The following TRERF1 variants were observed in gnomAD, a reference collection of about 807,000 sequenced individuals.
The protein encoded by TRERF1 is transcriptional-regulating factor 1.
TRERF1 carries 27 observed loss-of-function variants against 122.9 expected under a neutral mutation model. That is an observed-to-expected ratio of 0.22 (90% CI 0.16 to 0.30). TRERF1 has a LOEUF of 0.30. TRERF1 is among the 10% of genes least tolerant of loss of function. The pLI is 1.00. For missense variants in TRERF1, 1,248 were observed against 1,560.3 expected, an observed-to-expected ratio of 0.80 and a Z score of 3.37; for synonymous variants, 636 against 641.7, an observed-to-expected ratio of 0.99 and a Z score of 0.13.
At chr6:42,361,126 TGAACAGGG>T (rs1419066474) in intron 3 of TRERF1, among the ~76,000 whole-genome samples, 2 of 152,192 alleles carry the variant, frequency 1.3e-5, no homozygotes, top group Admixed American at 1.3e-4. Context: ...GAAGCCCTCA[TGAACAGGG>T]TTAGTGCCCT....
chr6:42,226,321 AT>A (rs1317799970), exon 18 of TRERF1: 1 of 152,210 alleles, frequency 6.6e-6, no homozygotes, highest in Admixed American at 6.5e-5. Flanking sequence ...TGCTCCTTTG[AT>A]AGATAAGCTT....
At chr6:42,326,013 G>C (rs992928595) in intron 3 of TRERF1, among the ~76,000 whole-genome samples, 3 of 152,128 alleles carry the variant, frequency 2.0e-5, no homozygotes, top group Non-Finnish European at 4.4e-5. Context: ...CAGACACAGG[G>C]GACTACAAAA....
At chr6:42,378,765 A>T (rs1358717617) in intron 2 of TRERF1, among the ~76,000 whole-genome samples, 1 of 152,154 alleles carries the variant, frequency 6.6e-6, no homozygotes, top group Non-Finnish European at 1.5e-5. Flanking sequence ...CAGGACCTAA[A>T]CCTGGGAGCT....
rs1028851714 is a variant in TRERF1 at position 42,268,614 on chromosome 6, T to C, written c.977A>G (p.Tyr326Cys). Residue 326 changes from tyrosine to cysteine, a missense_variant, in exon 5 of 18, where the codon TAT (tyrosine) becomes TGT (cysteine). Coordinates refer to ENST00000372922, the Ensembl canonical transcript of TRERF1. This position sits in a 1 kb window ranked among gnomAD's most constrained non-coding sequence, Gnocchi z 4.4. ...CTGCATCATGGGTTGGGGCTGATAA[T>C]ACTGAGGTATCTGCATTGAACCCTG... The C allele has an allele frequency of 1.7e-5, 28 of 1,613,920 alleles. No individual in the cohort carries two copies. The highest frequency in any genetic ancestry group is 2.4e-5 in the Non-Finnish European group (28 of 1,179,898).
At chr6:42,270,859 A>G (rs55800531) in intron 4 of TRERF1, among the ~76,000 whole-genome samples, 4,024 of 137,778 alleles carry the variant, frequency 0.029, 171 homozygotes, top group African/African-American at 0.1. Context: ...TGCAACCTCC[A>G]CCTCCTAGGT....
At chr6:42,306,606 C>A (rs1787307129) in intron 3 of TRERF1, among the ~76,000 whole-genome samples, 1 of 152,222 alleles carries the variant, frequency 6.6e-6, no homozygotes, top group African/African-American at 2.4e-5. Context: ...CAGCTCCAAC[C>A]AGCTTGTCTT....
intron 4 of TRERF1, among the ~76,000 whole-genome samples, chr6:42,284,267 T>C (rs1409054002): frequency 1.3e-5 from 2 of 150,958 alleles, no homozygotes; most frequent in Admixed American, 6.6e-5. Flanking sequence ...AGGGTGTCGC[T>C]GTTTCCCAGG....
At chr6:42,236,433 C>G (rs1772206324) in intron 15 of TRERF1, 22 bp from the exon 16 acceptor site, 1 of 1,547,692 alleles carries the variant, frequency 6.5e-7, no homozygotes, top group Non-Finnish European at 8.7e-7. Flanking sequence ...GTAATAAAAG[C>G]AAGAGGGGAA....
chr6:42,328,971 T>C (rs1764773847), intron 3 of TRERF1, among the ~76,000 whole-genome samples: 1 of 152,090 alleles, frequency 6.6e-6, no homozygotes, highest in African/African-American at 2.4e-5. Context: ...GAGGCGAATC[T>C]ATATAGCAAG....
chr6:42,317,999 C>G (rs908182334), intron 3 of TRERF1, among the ~76,000 whole-genome samples: 4 of 151,892 alleles, frequency 2.6e-5, no homozygotes, highest in Non-Finnish European at 5.9e-5. Flanking sequence ...ACTAAAAATA[C>G]AAAAATTAGC....
intron 3 of TRERF1, among the ~76,000 whole-genome samples, chr6:42,356,656 C>A (rs1251819044): frequency 6.6e-6 from 1 of 152,128 alleles, no homozygotes; most frequent in African/African-American, 2.4e-5. Flanking sequence ...CTCACTGCAG[C>A]CTTCATCTCC....
intron 3 of TRERF1, among the ~76,000 whole-genome samples, chr6:42,308,716 T>C (rs1373209288): frequency 2.0e-5 from 3 of 152,136 alleles, no homozygotes; most frequent in Non-Finnish European, 4.4e-5. Flanking sequence ...TTCTTACTTA[T>C]AAGTGGGAGC....
At chr6:42,246,540 C>T (rs139783030) in exon 14 of TRERF1, 173 of 1,599,548 alleles carry the variant, frequency 1.1e-4, no homozygotes, top group East Asian at 5.0e-4. Context: ...TCCACTTGTC[C>T]GAACCTACAA....
At chr6:42,324,964 C>T (rs923436540) in intron 3 of TRERF1, among the ~76,000 whole-genome samples, 1 of 152,142 alleles carries the variant, frequency 6.6e-6, no homozygotes, top group African/African-American at 2.4e-5. Flanking sequence ...AGTGAACAGA[C>T]AACCTACAGA....
chr6:42,330,145 C>CA (rs1014573387), intron 3 of TRERF1, among the ~76,000 whole-genome samples: 25 of 151,654 alleles, frequency 1.6e-4, no homozygotes, highest in Non-Finnish European at 2.9e-4. Flanking sequence ...ACCACACGAG[C>CA]AAAAAAATGG....
chr6:42,245,034 C>T (rs1481884582), intron 14 of TRERF1, among the ~76,000 whole-genome samples: 1 of 152,236 alleles, frequency 6.6e-6, no homozygotes, highest in Non-Finnish European at 1.5e-5. Flanking sequence ...TTCTCATCCC[C>T]CTGACACCTG....
At chr6:42,255,816 T>G (rs1776643057) in intron 12 of TRERF1, among the ~76,000 whole-genome samples, 1 of 152,026 alleles carries the variant, frequency 6.6e-6, no homozygotes, top group Non-Finnish European at 1.5e-5. Flanking sequence ...CAGAGGTTAG[T>G]GATTGAGTGA....
chr6:42,361,887 C>G (rs1771840028), intron 3 of TRERF1, among the ~76,000 whole-genome samples: 1 of 152,232 alleles, frequency 6.6e-6, no homozygotes, highest in South Asian at 2.1e-4. Context: ...GCACTGGCAT[C>G]AGGAGATGGG....
At chr6:42,438,274 G>C (rs537529636) in intron 2 of TRERF1, among the ~76,000 whole-genome samples, 3 of 151,760 alleles carry the variant, frequency 2.0e-5, no homozygotes, top group Non-Finnish European at 4.4e-5. Flanking sequence ...TACAAGGTAA[G>C]GTCGCCATGG....
Sources: gnomAD v4.1 joint callset for allele counts (sites outside exome capture counted in the v4.1 genomes callset) on GRCh38, gnomAD v4.1.1 for gene constraint, Gnocchi (gnomAD v3.1) non-coding constraint, MANE v1.5 for transcripts, NCBI Gene and HGNC (gene_info 2026-07-23, HGNC 2026-07-21) for gene names.